Variants in BIRC5 observed in about 807,000 individuals in gnomAD.
BIRC5 encodes baculoviral IAP repeat-containing protein 5.
Under a neutral mutation model 15.8 loss-of-function variants are expected in BIRC5, and 8 were observed. That is an observed-to-expected ratio of 0.51 (90% CI 0.30 to 0.91). The LOEUF is 0.91. Ranked by LOEUF, BIRC5 falls within the 40% of genes least tolerant of loss-of-function variation. BIRC5 has a pLI of 0.07. For synonymous variants in BIRC5, 56 were observed against 64.5 expected (o/e 0.87, Z 0.63); for missense variants, 163 against 178.6 (o/e 0.91, Z 0.50).
rs1464386121 is a variant in BIRC5 at position 78,222,925 on chromosome 17, C to T, written c.340-540C>T. The T allele has an allele frequency of 5.2e-6, 8 of 1,533,338 alleles. No individual in the cohort carries two copies. In the Admixed American group the frequency reaches 1.2e-4, roughly 23 times the overall value. 95.0% of individuals were successfully genotyped at this position (1,533,338 alleles called of 1,614,324 possible). A position where few individuals can be genotyped will look rare whatever the true frequency, so the allele number is the denominator to read the frequency against. Reference sequence around the variant, plus strand: ...TGTTCGAGGAAGAGCCTGATGTTTGCCAGGGTCTGTTTAACTGGACATGAA... The same window carrying T: ...TGTTCGAGGAAGAGCCTGATGTTTGTCAGGGTCTGTTTAACTGGACATGAA... On this transcript the variant is annotated intron_variant, in intron 3 of 3. Transcript: ENST00000350051.
chr17:78,215,679 T>G (rs2145893268), intron 2 of BIRC5, among the ~76,000 whole-genome samples: 1 of 152,320 alleles, frequency 6.6e-6, no homozygotes, highest in African/African-American at 2.4e-5. Flanking sequence ...GTTTTTTTTC[T>G]TAGTATGTTT....
intron 3 of BIRC5, among the ~76,000 whole-genome samples, chr17:78,219,266 C>T (rs1357389805): frequency 6.6e-6 from 1 of 152,148 alleles, no homozygotes; most frequent in Non-Finnish European, 1.5e-5. Flanking sequence ...CTCACTGCGA[C>T]CTCCACCTCC....
At chr17:78,214,524 C>T (rs914136347) in intron 1 of BIRC5, 97 bp downstream of exon 1, 2 of 1,299,912 alleles carry the variant, frequency 1.5e-6, no homozygotes, top group African/African-American at 1.5e-5. Flanking sequence ...AGCCGCCCTC[C>T]CCTCCCCGTC....
intron 3 of BIRC5, among the ~76,000 whole-genome samples, chr17:78,220,771 A>G (rs1233951718): frequency 1.3e-5 from 2 of 152,020 alleles, no homozygotes; most frequent in Non-Finnish European, 1.5e-5. Context: ...ACCCAGGCTG[A>G]GTGCAGTGGT....
chr17:78,222,215 A>G (rs897253304), intron 3 of BIRC5, among the ~76,000 whole-genome samples: 64 of 150,530 alleles, frequency 4.3e-4, no homozygotes, highest in African/African-American at 1.5e-3. Flanking sequence ...AAAAAAAAAA[A>G]CCAAACGGTG....
intron 3 of BIRC5, among the ~76,000 whole-genome samples, chr17:78,223,237 C>T (rs971460542): frequency 7.2e-5 from 11 of 152,162 alleles, no homozygotes; most frequent in East Asian, 1.9e-4. Flanking sequence ...CCAAGCACTC[C>T]GTCAGTGTTT....
intron 3 of BIRC5, among the ~76,000 whole-genome samples, chr17:78,220,043 G>T (rs369072150): frequency 6.6e-6 from 1 of 152,182 alleles, no homozygotes. Context: ...GCTGGTGGAC[G>T]CTGCGGGGTG....
intron 3 of BIRC5, chr17:78,223,061 AGACTAGCTGGGGTGCC>A: frequency 7.9e-7 from 1 of 1,263,444 alleles, no homozygotes; most frequent in Non-Finnish European, 1.0e-6. Flanking sequence ...TGGGGTGCCC[AGACTAGCTGGGGTGCC>A]TAGACTAGCT....
chr17:78,216,894 T>C (rs988773008), intron 3 of BIRC5, 113 bp downstream of exon 3: 12 of 750,652 alleles, frequency 1.6e-5, no homozygotes, highest in Non-Finnish European at 2.3e-5. Context: ...TTTTTTTTTT[T>C]CTGAGATAGA....
chr17:78,215,863 G>A, intron 2 of BIRC5: 1 of 1,061,056 alleles, frequency 9.4e-7, no homozygotes, highest in African/African-American at 1.7e-5. Context: ...GTGATAGTCA[G>A]TTATACAGGG....
rs755959534 is a variant in BIRC5 at position 78,219,295 on chromosome 17, G to A, written c.339+2514G>A. Among the ~76,000 whole-genome samples, 8 of 152,090 alleles carry A rather than the reference G, an allele frequency of 5.3e-5. No homozygotes were observed. The East Asian group carries it at 7.7e-4, about 15-fold the overall frequency. ...CACCTCCCAGGTTCAAGCGATTCTC[G>A]TGCCTCAGGCTCCCAAGTAGCTGAG... On this transcript the variant is annotated intron_variant, in intron 3 of 3. Coordinates refer to ENST00000350051, the MANE Select transcript of BIRC5 (RefSeq NM_001168.3).
In BIRC5 at chr17:78,224,673, G is replaced by A. The variant is rs947921147; in HGVS notation, c.*1119G>A. The stretch of plus-strand genomic sequence containing the variant: ...TCTGGAGGTCATCTCGGCTGTTCCT[G>A]AGAAATAAAAAGCCTGTCATTTCAA... On this transcript the variant is annotated 3_prime_UTR_variant, in exon 4 of 4. Coordinates refer to ENST00000350051, the MANE Select transcript of BIRC5 (RefSeq NM_001168.3). The A allele has an allele frequency of 6.6e-6, 1 of 152,244 alleles. No individual in the cohort carries two copies. Among genetic ancestry groups the A allele is most frequent in the Non-Finnish European group, 1.5e-5 (1 of 68,052 alleles). 9.4% of individuals were successfully genotyped at this position (152,244 alleles called of 1,614,324 possible). A position where few individuals can be genotyped will look rare whatever the true frequency, so the allele number is the denominator to read the frequency against.
chr17:78,221,452 A>G (rs1270404796), intron 3 of BIRC5, among the ~76,000 whole-genome samples: 1 of 150,764 alleles, frequency 6.6e-6, no homozygotes, highest in Non-Finnish European at 1.5e-5. Context: ...TTTGAGATGG[A>G]ATCTCACTCT....
At position 78,225,468 on chromosome 17, in the gene BIRC5, A is replaced by G. The variant is rs542510240; in HGVS notation, c.*1914A>G. 20 of 152,320 alleles carry G rather than the reference A, an allele frequency of 1.3e-4. No homozygotes were observed. Among genetic ancestry groups the G allele is most frequent in the Admixed American group, 1.2e-3 (19 of 15,292 alleles). 9.4% of individuals were successfully genotyped at this position (152,320 alleles called of 1,614,324 possible). On this transcript the variant is annotated 3_prime_UTR_variant, in exon 4 of 4. Transcript: ENST00000350051. The stretch of plus-strand genomic sequence containing the variant: ...CTTCTGGGCTATGGGTGAGGTTCCA[A>G]TGGCAGGTTAGAGCCCCTCGGGCCA...
At chr17:78,218,389 G>A (rs1475348553) in intron 3 of BIRC5, among the ~76,000 whole-genome samples, 2 of 151,240 alleles carry the variant, frequency 1.3e-5, no homozygotes, top group African/African-American at 4.8e-5. Context: ...TGCCTCCCGG[G>A]GTCAAGCGAT....
intron 3 of BIRC5, among the ~76,000 whole-genome samples, chr17:78,217,262 G>A (rs1171966013): frequency 2.7e-5 from 4 of 150,394 alleles, no homozygotes; most frequent in East Asian, 1.9e-4. Flanking sequence ...TGCAACCTCC[G>A]CCTCCTGGGC....
chr17:78,221,624 C>T (rs2661684), intron 3 of BIRC5, among the ~76,000 whole-genome samples: 34,525 of 152,014 alleles, frequency 0.23, 4,297 homozygotes, highest in Middle Eastern at 0.28. Context: ...CGTGAGCCAC[C>T]GCACCCGGCC....
intron 1 of BIRC5, 72 bp downstream of exon 1, chr17:78,214,499 G>A: frequency 7.2e-7 from 1 of 1,398,138 alleles, no homozygotes; most frequent in South Asian, 1.4e-5. Flanking sequence ...ACTGTGACTG[G>A]GCCTCGGGGG....
At chr17:78,217,260 C>T (rs762379408) in intron 3 of BIRC5, among the ~76,000 whole-genome samples, 105 of 151,650 alleles carry the variant, frequency 6.9e-4, no homozygotes, top group South Asian at 1.2e-3. Flanking sequence ...ACTGCAACCT[C>T]CGCCTCCTGG....
Sources: allele counts gnomAD v4.1 joint callset (sites outside exome capture counted in the v4.1 genomes callset), GRCh38; gene constraint gnomAD v4.1.1; transcripts MANE v1.5; gene names NCBI Gene and HGNC (gene_info 2026-07-23, HGNC 2026-07-21).